AFF1: variants seen among roughly 807,000 people sequenced by gnomAD.
AFF1 encodes AF4/FMR2 family member 1.
In AFF1, 48 loss-of-function variants were observed where a neutral mutation model predicts 121.7. The ratio of observed to expected loss-of-function variants is 0.39; its 90% CI spans 0.31 to 0.50. The LOEUF (loss-of-function observed/expected upper bound fraction) is 0.50, where lower values mean the gene tolerates loss of function less well. Among genes scored for constraint, AFF1 ranks in the 20% least tolerant of loss-of-function variants. The pLI is 0.76. For missense variants in AFF1, 1,523 were observed against 1,511.7 expected (o/e 1.01, Z -0.12); for synonymous variants, 613 against 563.0 (o/e 1.09, Z -1.26).
chr4:87,025,873 G>T (rs1484247961), intron 2 of AFF1, among the ~76,000 whole-genome samples: 1 of 152,130 alleles, frequency 6.6e-6, no homozygotes, highest in South Asian at 2.1e-4. Context: ...GGCCCCAGGT[G>T]TCAGTTACTT....
At chr4:87,057,270 G>C (rs1656214798) in intron 4 of AFF1, among the ~76,000 whole-genome samples, 2 of 152,118 alleles carry the variant, frequency 1.3e-5, no homozygotes, top group South Asian at 2.1e-4. Context: ...AGATGGGCCT[G>C]GTGGCAAGAT....
At chr4:86,986,901 A>C (rs1323719192) in intron 2 of AFF1, among the ~76,000 whole-genome samples, 1 of 152,168 alleles carries the variant, frequency 6.6e-6, no homozygotes, top group African/African-American at 2.4e-5. Context: ...TCTGTTGCCC[A>C]GGCTGGGGTG....
At chr4:87,110,194 TTTTC>T (rs1349693140) in intron 11 of AFF1, among the ~76,000 whole-genome samples, 22 of 152,144 alleles carry the variant, frequency 1.4e-4, no homozygotes, top group Admixed American at 1.4e-3. Flanking sequence ...TAACTTTCTC[TTTTC>T]TTTGTCTTAA....
intron 2 of AFF1, among the ~76,000 whole-genome samples, chr4:86,995,737 G>A (rs1411623593): frequency 6.6e-6 from 1 of 151,756 alleles, no homozygotes; most frequent in East Asian, 2.0e-4. Context: ...CCGCCACCCC[G>A]TCTGGGAAGT....
intron 4 of AFF1, among the ~76,000 whole-genome samples, chr4:87,066,995 AGAG>A (rs1189875789): frequency 2.0e-4 from 31 of 152,252 alleles, no homozygotes; most frequent in African/African-American, 6.8e-4. Context: ...CGATTATATC[AGAG>A]GAGGAGATGT....
At chr4:87,132,796 T>C (rs1157089555) in intron 19 of AFF1, among the ~76,000 whole-genome samples, 1 of 152,240 alleles carries the variant, frequency 6.6e-6, no homozygotes, top group African/African-American at 2.4e-5. Context: ...GTTCAAGCGA[T>C]TCTCCTGCCT....
chr4:87,104,262 G>A (rs1222481521), intron 8 of AFF1, among the ~76,000 whole-genome samples: 4 of 152,120 alleles, frequency 2.6e-5, no homozygotes, highest in East Asian at 3.8e-4. Context: ...AAAATTAGCC[G>A]GGCATGGTGG....
At position 87,022,676 on chromosome 4, in the gene AFF1, ATG is replaced by A. The variant is rs1172444439; in HGVS notation, c.39-23482_39-23481del. On this transcript the variant is annotated intron_variant, in intron 2 of 20. Coordinates refer to ENST00000395146, the MANE Select transcript of AFF1 (RefSeq NM_001166693.3). ...TGTATATATATGTGTGTGTATATAT[ATG>A]TGTGTGTATGTATATCTGTGTGTAT... Among the ~76,000 whole-genome samples, 28 of 143,844 alleles carry A rather than the reference ATG, an allele frequency of 1.9e-4. 1 individual carries two copies. The highest frequency in any genetic ancestry group is 6.5e-4 in the African/African-American group (25 of 38,636). 94.4% of individuals were successfully genotyped at this position (143,844 alleles called of 152,430 possible).
At chr4:86,990,171 T>TAAA (rs758251913) in intron 2 of AFF1, among the ~76,000 whole-genome samples, 5 of 150,594 alleles carry the variant, frequency 3.3e-5, no homozygotes, top group Non-Finnish European at 7.4e-5. Flanking sequence ...TAAATTATAA[T>TAAA]AATAATAATA....
At chr4:86,975,774 A>G (rs1723258776) in intron 2 of AFF1, among the ~76,000 whole-genome samples, 1 of 152,190 alleles carries the variant, frequency 6.6e-6, no homozygotes, top group Non-Finnish European at 1.5e-5. Flanking sequence ...TTTTGCCCCC[A>G]TAAGGTGTAT....
At chr4:87,029,503 G>T (rs1158337428) in intron 2 of AFF1, among the ~76,000 whole-genome samples, 5 of 152,126 alleles carry the variant, frequency 3.3e-5, no homozygotes. Context: ...GGAACATTAA[G>T]TTCTGACCTT....
chr4:87,111,116 T>C (rs1170216360), intron 11 of AFF1, among the ~76,000 whole-genome samples: 15 of 83,136 alleles, frequency 1.8e-4, no homozygotes, highest in Middle Eastern at 8.1e-3. Context: ...CACGCCATTC[T>C]CCTGCCTCAG....
rs144782623 is a variant in AFF1, at chr4:87,062,259, T to C, written c.1059+14665T>C. 2.8e-4 allele frequency among the ~76,000 whole-genome samples: 42 copies of C among 152,328 alleles called. 1 individual carries two copies. The East Asian group carries it at 7.3e-3, about 27-fold the overall frequency. On this transcript the variant is annotated intron_variant, in intron 4 of 20. Coordinates refer to ENST00000395146, the MANE Select transcript of AFF1 (RefSeq NM_001166693.3). Reference sequence around the variant, plus strand: ...GATCAAGGTGCTAACAGATTGAGTGTCTGATAAGGACTTGCTTTCTGCCTC... The same window carrying C: ...GATCAAGGTGCTAACAGATTGAGTGCCTGATAAGGACTTGCTTTCTGCCTC...
At chr4:86,945,657 T>G (rs1463459807) in intron 1 of AFF1, among the ~76,000 whole-genome samples, 1 of 152,002 alleles carries the variant, frequency 6.6e-6, no homozygotes. Flanking sequence ...TGTGCCACCA[T>G]GCCCAGCTAA....
chr4:87,032,000 G>A (rs570623479), intron 2 of AFF1, among the ~76,000 whole-genome samples: 1 of 152,272 alleles, frequency 6.6e-6, no homozygotes, highest in East Asian at 1.9e-4. Flanking sequence ...TAGTGATGGT[G>A]AAAAGATGAT....
chr4:87,107,212 T>C (rs1011539320), intron 10 of AFF1, among the ~76,000 whole-genome samples: 11 of 152,268 alleles, frequency 7.2e-5, no homozygotes, highest in Non-Finnish European at 1.2e-4. Flanking sequence ...ATTTTTATTC[T>C]AATATGTGTT....
intron 2 of AFF1, among the ~76,000 whole-genome samples, chr4:86,958,197 A>G (rs13109812): frequency 0.99 from 148,624 of 150,552 alleles, 73,397 homozygotes; most frequent in East Asian, 1. Flanking sequence ...AGGTTCAAGC[A>G]ATTCTTCTGC....
intron 2 of AFF1, among the ~76,000 whole-genome samples, chr4:86,964,128 G>T (rs1317968642): frequency 4.3e-4 from 57 of 132,044 alleles, no homozygotes; most frequent in Admixed American, 7.6e-4. Context: ...TGTTCTTTTG[G>T]TTTTTTTTTT....
intron 2 of AFF1, among the ~76,000 whole-genome samples, chr4:87,011,488 T>G (rs1261729982): frequency 2.6e-5 from 4 of 152,184 alleles, no homozygotes. Flanking sequence ...CCCTGCCCTA[T>G]GCCCCGTCTC....
Sources: allele counts gnomAD v4.1 joint callset (sites outside exome capture counted in the v4.1 genomes callset), GRCh38; gene constraint gnomAD v4.1.1; transcripts MANE v1.5; gene names NCBI Gene and HGNC (gene_info 2026-07-23, HGNC 2026-07-21).